The following NKAIN2 variants were observed in gnomAD, a reference collection of about 807,000 sequenced individuals.
The protein encoded by NKAIN2 is sodium/potassium-transporting ATPase subunit beta-1-interacting protein 2.
NKAIN2 carries 14 observed loss-of-function variants against 32.6 expected under a neutral mutation model. The ratio of observed to expected loss-of-function variants is 0.43; its 90% confidence interval spans 0.28 to 0.67. NKAIN2 has a LOEUF of 0.67. Among genes scored for constraint, NKAIN2 ranks in the 30% least tolerant of loss-of-function variants. NKAIN2 has a pLI of 0.17. For synonymous variants in NKAIN2, 80 were observed against 87.2 expected, an observed-to-expected ratio of 0.92 and a Z score of 0.46; for missense variants, 198 against 258.3, an observed-to-expected ratio of 0.77 and a Z score of 1.60.
chr6:124,257,841 C>T (rs1234848807), intron 1 of NKAIN2, among the ~76,000 whole-genome samples: 15 of 147,988 alleles, frequency 1.0e-4, no homozygotes, highest in Non-Finnish European at 1.5e-4. Context: ...TACAGTGGCA[C>T]GATCTTGGAT....
Position 124,156,397 on chromosome 6 carries a change from A to G in NKAIN2, c.55-126608A>G, listed in dbSNP as rs181210968. Among the ~76,000 whole-genome samples, 193 of 152,292 alleles carry G rather than the reference A, an allele frequency of 1.3e-3. 1 individual carries two copies. The highest frequency in any genetic ancestry group is 4.2e-3 in the African/African-American group (173 of 41,564). ...AGGATTTCAGCAGTGAGGAAGGCAG[A>G]CAAGTTAAGGGCTACTGTAGGAAGG... On this transcript the variant is annotated intron_variant, in intron 1 of 6. Coordinates refer to ENST00000368417, the MANE Select transcript of NKAIN2 (RefSeq NM_001040214.3).
intron 1 of NKAIN2, among the ~76,000 whole-genome samples, chr6:123,939,784 T>A (rs1776730841): frequency 6.6e-6 from 1 of 151,986 alleles, no homozygotes; most frequent in Non-Finnish European, 1.5e-5. Flanking sequence ...GTTTTTCAAG[T>A]CATGATTCTT....
intron 5 of NKAIN2, among the ~76,000 whole-genome samples, chr6:124,815,217 TATATATAC>T (rs1244036589): frequency 9.8e-6 from 1 of 102,404 alleles, no homozygotes; most frequent in African/African-American, 4.5e-5. Flanking sequence ...TCTTAAACTA[TATATATAC>T]ATATATATAT....
chr6:124,250,382 AT>A (rs2114806138), intron 1 of NKAIN2, among the ~76,000 whole-genome samples: 1 of 152,170 alleles, frequency 6.6e-6, no homozygotes, highest in Non-Finnish European at 1.5e-5. Context: ...AATTAAAAAA[AT>A]AATTACAACT....
At chr6:123,890,831 A>G (rs975333407) in intron 1 of NKAIN2, among the ~76,000 whole-genome samples, 1 of 152,212 alleles carries the variant, frequency 6.6e-6, no homozygotes, top group Non-Finnish European at 1.5e-5. Context: ...CCCCTTCTAG[A>G]TATATACTTA....
rs112301426 is a variant in NKAIN2, at chr6:124,527,486, T to C, written c.274-130700T>C. 5.8e-3 allele frequency among the ~76,000 whole-genome samples: 891 copies of C among 152,316 alleles called. 6 individuals carry two copies. The highest frequency in any genetic ancestry group is 0.018 in the South Asian group (87 of 4,826). On this transcript the variant is annotated intron_variant, in intron 3 of 6. Transcript: ENST00000368417. ...TTAATATTAGAATTTGTTCTTGACT[T>C]TAGTCTCATGTTACACACTTTCTTA...
chr6:124,210,790 A>C (rs1392238770), intron 1 of NKAIN2, among the ~76,000 whole-genome samples: 1 of 150,840 alleles, frequency 6.6e-6, no homozygotes, highest in East Asian at 1.9e-4. Flanking sequence ...TTGAATGTTG[A>C]TATTGTGTTC....
At chr6:123,826,831 C>T (rs1278722665) in intron 1 of NKAIN2, among the ~76,000 whole-genome samples, 1 of 152,030 alleles carries the variant, frequency 6.6e-6, no homozygotes, top group East Asian at 1.9e-4. Context: ...GTTCAAGTTC[C>T]TGCTTTTAGT....
intron 1 of NKAIN2, among the ~76,000 whole-genome samples, chr6:123,865,829 T>C (rs1260680512): frequency 1.3e-5 from 2 of 152,124 alleles, no homozygotes; most frequent in South Asian, 2.1e-4. Flanking sequence ...AAAAAATGCA[T>C]GAATAATTTG....
Position 124,635,047 on chromosome 6 carries a change from G to C in NKAIN2, c.274-23139G>C, listed in dbSNP as rs1420077235. 2.0e-5 allele frequency among the ~76,000 whole-genome samples: 3 copies of C among 148,276 alleles called. No individual in the cohort carries two copies. The East Asian group carries it at 5.9e-4, about 29-fold the overall frequency. On this transcript the variant is annotated intron_variant, in intron 3 of 6. Transcript: ENST00000368417. ...AAGGAAAGGAAGAAGAGGAAGGAAGGAAGGAAAGAGAGAAAGAAAGAGAAA... is the reference window on the plus strand; with the variant it reads ...AAGGAAAGGAAGAAGAGGAAGGAAGCAAGGAAAGAGAGAAAGAAAGAGAAA...
intron 5 of NKAIN2, among the ~76,000 whole-genome samples, chr6:124,795,246 G>A (rs1005572880): frequency 6.6e-6 from 1 of 152,156 alleles, no homozygotes; most frequent in Non-Finnish European, 1.5e-5. Flanking sequence ...GATGGCAACT[G>A]GACAAAATGT....
At chr6:124,049,778 A>G (rs1415797003) in intron 1 of NKAIN2, among the ~76,000 whole-genome samples, 1 of 152,020 alleles carries the variant, frequency 6.6e-6, no homozygotes, top group Non-Finnish European at 1.5e-5. Flanking sequence ...GTCGCTGCTC[A>G]AGGATCAACT....
At chr6:124,443,714 C>T (rs1249636594) in intron 3 of NKAIN2, among the ~76,000 whole-genome samples, 1 of 152,042 alleles carries the variant, frequency 6.6e-6, no homozygotes, top group African/African-American at 2.4e-5. Flanking sequence ...GTAGTTCTTA[C>T]CCCACACATC....
intron 1 of NKAIN2, among the ~76,000 whole-genome samples, chr6:124,009,931 G>T: frequency 6.6e-6 from 1 of 152,050 alleles, no homozygotes; most frequent in East Asian, 1.9e-4. Flanking sequence ...CATAATATAT[G>T]TATGTATATA....
At position 124,497,003 on chromosome 6, in the gene NKAIN2, G is replaced by A. The variant is rs545005272; in HGVS notation, c.273+141656G>A. Among the ~76,000 whole-genome samples the A allele has an allele frequency of 2.4e-3, 372 of 152,126 alleles. 2 individuals carry two copies. The highest frequency in any genetic ancestry group is 5.4e-3 in the South Asian group (26 of 4,820). On this transcript the variant is annotated intron_variant, in intron 3 of 6. Coordinates refer to ENST00000368417, the MANE Select transcript of NKAIN2 (RefSeq NM_001040214.3). ...GGACAGTGATATTCTGTATCCTAATGCCACCATCTCACTGCGGCCAGAAGC... is the reference window on the plus strand; with the variant it reads ...GGACAGTGATATTCTGTATCCTAATACCACCATCTCACTGCGGCCAGAAGC...
At chr6:124,230,869 G>A (rs1273556138) in intron 1 of NKAIN2, among the ~76,000 whole-genome samples, 1 of 152,188 alleles carries the variant, frequency 6.6e-6, no homozygotes, top group Non-Finnish European at 1.5e-5. Context: ...ATGTAAGGTT[G>A]GAGACCCCAC....
chr6:124,158,664 A>T (rs760514644), intron 1 of NKAIN2, among the ~76,000 whole-genome samples: 1 of 152,188 alleles, frequency 6.6e-6, no homozygotes, highest in Non-Finnish European at 1.5e-5. Flanking sequence ...TGCAATCCCC[A>T]GCTTGGTACT....
chr6:123,981,855 C>CT (rs1778913441), intron 1 of NKAIN2, among the ~76,000 whole-genome samples: 1 of 151,998 alleles, frequency 6.6e-6, no homozygotes, highest in Admixed American at 6.6e-5. Context: ...GGAGCAGAAG[C>CT]TGGAGAGGGG....
chr6:124,718,589 A>T (rs1015082784), intron 4 of NKAIN2, among the ~76,000 whole-genome samples: 3 of 152,184 alleles, frequency 2.0e-5, no homozygotes, highest in Admixed American at 6.5e-5. Context: ...TAAGATTAAT[A>T]TTCCCCATAG....
Sources: allele counts gnomAD v4.1 joint callset (sites outside exome capture counted in the v4.1 genomes callset), GRCh38; gene constraint gnomAD v4.1.1; transcripts MANE v1.5; gene names NCBI Gene and HGNC (gene_info 2026-07-23, HGNC 2026-07-21).